INPP4B: variants seen among roughly 807,000 people sequenced by gnomAD.
INPP4B encodes inositol polyphosphate-4-phosphatase type II B.
In INPP4B, 55 loss-of-function variants were observed where a neutral mutation model predicts 122.5. That is an observed-to-expected ratio of 0.45 (90% confidence interval 0.36 to 0.56). INPP4B has a LOEUF of 0.56. Ranked by LOEUF, INPP4B falls within the 20% of genes least tolerant of loss-of-function variation. The probability of loss-of-function intolerance (pLI) is 0.00; values close to 1 mark genes in which losing one functional copy is unlikely to be tolerated. For synonymous variants in INPP4B, 403 were observed against 388.7 expected (o/e 1.04, Z -0.43); for missense variants, 1,000 against 1,097.7 (o/e 0.91, Z 1.26).
chr4:142,531,027 A>G (rs1827544407), intron 2 of INPP4B, among the ~76,000 whole-genome samples: 1 of 152,042 alleles, frequency 6.6e-6, no homozygotes. Context: ...GAAGAATATA[A>G]CCCTGGGGGC....
intron 18 of INPP4B, among the ~76,000 whole-genome samples, chr4:142,130,810 G>A (rs758712473): frequency 3.0e-4 from 46 of 152,178 alleles, no homozygotes; most frequent in Admixed American, 5.9e-4. Context: ...AAATGGCTAT[G>A]ACAAGAACAA....
intron 2 of INPP4B, among the ~76,000 whole-genome samples, chr4:142,635,447 G>T (rs1378031288): frequency 6.6e-6 from 1 of 152,074 alleles, no homozygotes; most frequent in Non-Finnish European, 1.5e-5. Context: ...GCAAAGACAT[G>T]GAATCAACCT....
At chr4:142,726,069 A>G (rs1277809498) in intron 1 of INPP4B, among the ~76,000 whole-genome samples, 168 bp from the exon 2 acceptor site, 1 of 152,170 alleles carries the variant, frequency 6.6e-6, no homozygotes, top group Non-Finnish European at 1.5e-5. Context: ...TTAAATGCCA[A>G]ATCACTTCCC....
intron 1 of INPP4B, among the ~76,000 whole-genome samples, chr4:142,765,566 A>G (rs532496070): frequency 2.0e-4 from 31 of 152,268 alleles, no homozygotes; most frequent in African/African-American, 7.2e-4. Context: ...CCTCCAAACA[A>G]TCATGTGAGA....
chr4:142,807,182 T>C (rs760198792), intron 1 of INPP4B, among the ~76,000 whole-genome samples: 6 of 152,162 alleles, frequency 3.9e-5, no homozygotes, highest in Non-Finnish European at 8.8e-5. Flanking sequence ...TTTCCTTCCA[T>C]GGTAGCAAAT....
chr4:142,222,133 T>C (rs1849630506), intron 12 of INPP4B, among the ~76,000 whole-genome samples: 1 of 152,142 alleles, frequency 6.6e-6, no homozygotes, highest in Non-Finnish European at 1.5e-5. Flanking sequence ...CTAATTTTTG[T>C]AGTTTTAGTA....
At chr4:142,086,037 C>A in intron 24 of INPP4B, 107 bp downstream of exon 24, 1 of 726,900 alleles carries the variant, frequency 1.4e-6, no homozygotes, top group Non-Finnish European at 2.4e-6. Flanking sequence ...TAGAAGATGA[C>A]ACCTGGCAAC....
chr4:142,442,068 C>A (rs146877557), intron 3 of INPP4B, among the ~76,000 whole-genome samples: 2 of 151,734 alleles, frequency 1.3e-5, no homozygotes, highest in African/African-American at 2.4e-5. Flanking sequence ...TTTATGAACT[C>A]AATGTAGAAA....
intron 9 of INPP4B, among the ~76,000 whole-genome samples, chr4:142,286,001 G>A (rs1232892343): frequency 1.3e-5 from 2 of 152,146 alleles, no homozygotes; most frequent in East Asian, 3.8e-4. Context: ...AATTATTTTA[G>A]AGGTCAAAAT....
At chr4:142,761,261 G>A (rs561857150) in intron 1 of INPP4B, among the ~76,000 whole-genome samples, 26 of 150,908 alleles carry the variant, frequency 1.7e-4, no homozygotes, top group African/African-American at 5.8e-4. Context: ...TTTCCCTCTC[G>A]GTCATGCTAA....
intron 2 of INPP4B, among the ~76,000 whole-genome samples, chr4:142,565,214 G>A (rs1196494992): frequency 6.6e-6 from 1 of 152,108 alleles, no homozygotes; most frequent in Non-Finnish European, 1.5e-5. Context: ...TGGCTCCTTG[G>A]AGAAACAGCT....
At chr4:142,048,922 C>G (rs1276626133) in intron 25 of INPP4B, among the ~76,000 whole-genome samples, 1 of 151,838 alleles carries the variant, frequency 6.6e-6, no homozygotes, top group African/African-American at 2.4e-5. Context: ...CATATCAATG[C>G]CAAAGGACAC....
At chr4:142,621,909 T>G (rs1030635162) in intron 2 of INPP4B, among the ~76,000 whole-genome samples, 4 of 151,846 alleles carry the variant, frequency 2.6e-5, no homozygotes, top group Non-Finnish European at 5.9e-5. Flanking sequence ...AAGAAAAAAA[T>G]CTACAGGCAA....
intron 2 of INPP4B, among the ~76,000 whole-genome samples, chr4:142,528,434 T>C (rs1827200112): frequency 1.3e-5 from 2 of 152,084 alleles, no homozygotes; most frequent in Admixed American, 6.6e-5. Flanking sequence ...GGACCTCAGT[T>C]CCTTGCTGCC....
At chr4:142,097,950 G>C (rs1782704062) in intron 23 of INPP4B, among the ~76,000 whole-genome samples, 1 of 152,122 alleles carries the variant, frequency 6.6e-6, no homozygotes, top group South Asian at 2.1e-4. Context: ...ATTCTGGTAA[G>C]GAGTCCTGTC....
At chr4:142,084,104 AC>A (rs1471595528) in intron 24 of INPP4B, among the ~76,000 whole-genome samples, 2 of 152,108 alleles carry the variant, frequency 1.3e-5, no homozygotes, top group African/African-American at 4.8e-5. Context: ...GAAGAAAAAA[AC>A]AAATGACTTT....
intron 1 of INPP4B, among the ~76,000 whole-genome samples, chr4:142,820,258 C>G (rs755690890): frequency 2.0e-5 from 3 of 152,110 alleles, no homozygotes; most frequent in Non-Finnish European, 4.4e-5. Context: ...AGGGTGGATT[C>G]CCCACGAGTA....
intron 2 of INPP4B, among the ~76,000 whole-genome samples, chr4:142,629,549 C>G (rs1293616457): frequency 1.3e-5 from 2 of 151,902 alleles, no homozygotes; most frequent in Non-Finnish European, 2.9e-5. Flanking sequence ...AGAGAACACA[C>G]TGAGGTGTTT....
intron 11 of INPP4B, among the ~76,000 whole-genome samples, chr4:142,241,901 A>C (rs552381333): frequency 1.1e-4 from 16 of 152,288 alleles, no homozygotes; most frequent in Admixed American, 7.9e-4. Flanking sequence ...ATCTTCACAC[A>C]CTTTCTTGCT....
Sources: allele counts gnomAD v4.1 joint callset (sites outside exome capture counted in the v4.1 genomes callset), GRCh38; gene constraint gnomAD v4.1.1; transcripts MANE v1.5; gene names NCBI Gene and HGNC (gene_info 2026-07-23, HGNC 2026-07-21).